CSMD2: variants seen among roughly 807,000 people sequenced by gnomAD.
CSMD2 encodes the protein CUB and sushi domain-containing protein 2.
In CSMD2, 130 loss-of-function variants were observed where a neutral mutation model predicts 398.5. The ratio of observed to expected loss-of-function variants is 0.33; its 90% CI spans 0.28 to 0.38. The LOEUF is 0.38. Among genes scored for constraint, CSMD2 ranks in the 10% least tolerant of loss-of-function variants. The pLI is 1.00. For synonymous variants in CSMD2, 1,828 were observed against 1,908.5 expected (o/e 0.96, Z 1.10); for missense variants, 3,829 against 4,764.9 (o/e 0.80, Z 5.78).
intron 10 of CSMD2, among the ~76,000 whole-genome samples, chr1:33,802,938 G>A (rs1032381434): frequency 2.6e-5 from 4 of 151,910 alleles, no homozygotes; most frequent in African/African-American, 9.7e-5. Flanking sequence ...GTTCCTTGCC[G>A]GCTACTGCCC....
In CSMD2 at chr1:33,567,616, G is replaced by A. The variant is rs768584421; in HGVS notation, c.8357C>T (p.Ser2786Leu). 6.2e-6 allele frequency: 10 copies of A among 1,614,096 alleles called. No homozygotes were observed. The highest frequency in any genetic ancestry group is 1.6e-4 in the Middle Eastern group (1 of 6,062). ...VRICQQDHHW[S>L]GKTPFCVPIT... ...ACGCACACAGAAAGGGGTCTTGCCC[G>A]ACCAGTGATGATCCTGCTGGCAGAT... The change falls in exon 53 of 71, where the codon TCG (serine) becomes TTG (leucine). Residue 2786 changes from serine to leucine, a missense_variant. Around this residue, in one of 5 missense-constraint regions of CSMD2, gnomAD observed 917 missense variants for 1,199.5 expected, o/e 0.76. Coordinates refer to ENST00000373381, the MANE Select transcript of CSMD2 (RefSeq NM_001281956.2).
At chr1:34,162,386 A>C (rs1409645799) in intron 1 of CSMD2, among the ~76,000 whole-genome samples, 1 of 152,098 alleles carries the variant, frequency 6.6e-6, no homozygotes, top group Non-Finnish European at 1.5e-5. Flanking sequence ...GAGCCGAGGA[A>C]GGGAGACGGT....
intron 1 of CSMD2, among the ~76,000 whole-genome samples, chr1:34,116,582 A>G (rs1233113589): frequency 1.3e-5 from 2 of 152,104 alleles, no homozygotes; most frequent in Non-Finnish European, 2.9e-5. Flanking sequence ...AATAATGGAT[A>G]ATTAATCAAA....
chr1:33,828,403 G>A (rs1659065042), intron 6 of CSMD2, among the ~76,000 whole-genome samples: 1 of 152,216 alleles, frequency 6.6e-6, no homozygotes, highest in Non-Finnish European at 1.5e-5. Flanking sequence ...CAGTGGGTGA[G>A]GGGTCTCTAT....
At chr1:34,104,503 A>G (rs1005285099) in intron 1 of CSMD2, among the ~76,000 whole-genome samples, 7 of 152,236 alleles carry the variant, frequency 4.6e-5, no homozygotes, top group Middle Eastern at 3.2e-3. Flanking sequence ...GATGGCCAGA[A>G]GGCAGTTAGG....
intron 2 of CSMD2, among the ~76,000 whole-genome samples, chr1:34,051,645 ACACCATTC>A (rs60436571): frequency 0.011 from 1,668 of 152,266 alleles, 27 homozygotes; most frequent in African/African-American, 0.035. Context: ...GGAAGAGTAA[ACACCATTC>A]CAAGATTTTG....
intron 4 of CSMD2, among the ~76,000 whole-genome samples, chr1:33,921,706 G>A (rs983914407): frequency 4.6e-5 from 7 of 152,252 alleles, no homozygotes; most frequent in African/African-American, 1.7e-4. Flanking sequence ...CTTGGGGGAA[G>A]GCCTTGACAG....
chr1:33,868,078 G>A lies in CSMD2; in HGVS notation c.921-21082C>T, dbSNP rs758998929. ...GTAATGTAATGACAATGGAGAGAGA[G>A]GGAGGGAAGGAGGAGGAGAAGTTGG... On this transcript the variant is annotated intron_variant, in intron 5 of 70. Transcript: ENST00000373381. 3.3e-5 allele frequency among the ~76,000 whole-genome samples: 5 copies of A among 152,272 alleles called. No individual in the cohort carries two copies. In the Middle Eastern group the frequency reaches 0.01, roughly 311 times the overall value.
intron 15 of CSMD2, 103 bp from the exon 16 acceptor site, chr1:33,726,788 G>T: frequency 7.8e-7 from 1 of 1,286,360 alleles, no homozygotes; most frequent in Admixed American, 2.8e-5. Context: ...TATAGTTTTT[G>T]TTTTTATGGA....
At chr1:33,670,482 T>C (rs549431985) in intron 25 of CSMD2, among the ~76,000 whole-genome samples, 49 of 152,300 alleles carry the variant, frequency 3.2e-4, no homozygotes, top group African/African-American at 1.2e-3. Context: ...GGAGGATACT[T>C]CCTATTTCTC....
Position 33,636,673 on chromosome 1 carries a change from T to C in CSMD2, c.4775-119A>G. 1.4e-6 allele frequency: 1 copy of C among 730,648 alleles called. No homozygotes were observed. The highest frequency in any genetic ancestry group is 2.6e-5 in the Admixed American group (1 of 38,736). The allele number at this position is 730,648 out of a possible 1,614,324, so 45.3% of individuals were successfully genotyped here. On this transcript the variant is annotated intron_variant, in intron 29 of 70. Coordinates refer to ENST00000373381, the MANE Select transcript of CSMD2 (RefSeq NM_001281956.2). This position sits in a 1 kb window ranked among gnomAD's most constrained non-coding sequence, Gnocchi z 4.8. ...TAATTAGCCACAGAGCACACGGGGA[T>C]GCGTGACTGTGGCTCCTATTCCCCT... is the stretch of plus-strand genomic sequence containing the variant.
Position 34,159,338 on chromosome 1 carries a change from C to CG in CSMD2, c.187+5572_187+5573insC, listed in dbSNP as rs56893007. ...ATGACTTTACAGCCTGCCCCCCCCC[C>CG]ACCCAGGAGCTTGTGGTGGAAAGGA... On this transcript the variant is annotated intron_variant, in intron 1 of 70. Coordinates refer to ENST00000373381, the MANE Select transcript of CSMD2 (RefSeq NM_001281956.2). Among the ~76,000 whole-genome samples, 214 of 142,896 alleles carry CG rather than the reference C, an allele frequency of 1.5e-3. 4 individuals carry two copies. The highest frequency in any genetic ancestry group is 5.5e-3 in the African/African-American group (201 of 36,876). 93.7% of individuals were successfully genotyped at this position (142,896 alleles called of 152,430 possible).
At chr1:33,600,781 T>A in intron 44 of CSMD2, 84 bp downstream of exon 44, 1 of 1,418,938 alleles carries the variant, frequency 7.0e-7, no homozygotes, top group Non-Finnish European at 9.8e-7. Context: ...GGTCACATGA[T>A]CCGCAAATGG....
intron 4 of CSMD2, among the ~76,000 whole-genome samples, chr1:33,919,924 T>C (rs1570504967): frequency 1.3e-5 from 2 of 152,168 alleles, no homozygotes; most frequent in East Asian, 3.8e-4. Context: ...AAAACAAAAA[T>C]TCCTATCCTC....
chr1:34,054,858 C>A (rs1206592751), intron 2 of CSMD2, among the ~76,000 whole-genome samples: 1 of 152,162 alleles, frequency 6.6e-6, no homozygotes, highest in Non-Finnish European at 1.5e-5. Flanking sequence ...CTTCCCAGAA[C>A]TACGTCTCTG....
At chr1:34,006,779 A>G (rs993945987) in intron 3 of CSMD2, among the ~76,000 whole-genome samples, 3 of 152,034 alleles carry the variant, frequency 2.0e-5, no homozygotes, top group Non-Finnish European at 4.4e-5. Context: ...CTCATCCCCT[A>G]TAAGCCACCA....
chr1:33,679,427 C>G (rs1644829786), intron 25 of CSMD2, among the ~76,000 whole-genome samples: 1 of 152,018 alleles, frequency 6.6e-6, no homozygotes, highest in South Asian at 2.1e-4. Context: ...GTCTCAATCT[C>G]CTGACCTCGT....
At chr1:33,967,194 T>C (rs1249414986) in intron 3 of CSMD2, among the ~76,000 whole-genome samples, 1 of 151,462 alleles carries the variant, frequency 6.6e-6, no homozygotes, top group African/African-American at 2.4e-5. Flanking sequence ...CTCATATTTA[T>C]GGAATCATTA....
At chr1:33,659,043 CCATATTTGAAGAAAAGTCAGATATTTG>C (rs56922198) in intron 26 of CSMD2, among the ~76,000 whole-genome samples, 501 of 152,232 alleles carry the variant, frequency 3.3e-3, no homozygotes, top group African/African-American at 0.011. Flanking sequence ...TAGACTGAAA[CCATATTTGAAGAAAAGTCAGATATTTG>C]TAGCAAGTGG....
Sources: gnomAD v4.1 joint callset for allele counts (sites outside exome capture counted in the v4.1 genomes callset) on GRCh38, gnomAD v4.1.1 for gene constraint, gnomAD v4.1.1 regional missense constraint, Gnocchi (gnomAD v3.1) non-coding constraint, MANE v1.5 for transcripts, NCBI Gene and HGNC (gene_info 2026-07-23, HGNC 2026-07-21) for gene names.